Variants in PATJ observed in about 807,000 individuals in gnomAD.
PATJ encodes inaD-like protein.
Under a neutral mutation model 224.9 loss-of-function variants are expected in PATJ, and 190 were observed. The observed-to-expected ratio is 0.84, with a 90% CI of 0.75 to 0.95. PATJ has a LOEUF of 0.95. Among genes scored for constraint, PATJ ranks in the 40% least tolerant of loss-of-function variants. The probability of loss-of-function intolerance (pLI) is 0.00; values close to 1 mark genes in which losing one functional copy is unlikely to be tolerated. For missense variants in PATJ, 2,121 were observed against 2,270.3 expected (o/e 0.93, Z 1.34); for synonymous variants, 769 against 820.3 (o/e 0.94, Z 1.07).
chr1:62,028,964 A>AATACATACATACATACATAC (rs66669120), intron 29 of PATJ, among the ~76,000 whole-genome samples: 7,341 of 147,562 alleles, frequency 0.05, 235 homozygotes, highest in African/African-American at 0.082. Flanking sequence ...CCTGTCTCAA[A>AATACATACATACATACATAC]ATACATACAT....
At chr1:62,010,444 C>G (rs1039099883) in intron 28 of PATJ, among the ~76,000 whole-genome samples, 1 of 150,890 alleles carries the variant, frequency 6.6e-6, no homozygotes, top group African/African-American at 2.4e-5. Context: ...CCCCTCCCCA[C>G]CCCGCCCCAG....
intron 20 of PATJ, among the ~76,000 whole-genome samples, chr1:61,873,604 A>G (rs1666953328): frequency 6.6e-6 from 1 of 152,264 alleles, no homozygotes; most frequent in Admixed American, 6.5e-5. Flanking sequence ...TCTCACAGTT[A>G]TGAAGGCTGG....
At chr1:62,054,363 CA>C (rs555679094) in intron 31 of PATJ, 31,627 of 322,120 alleles carry the variant, frequency 0.098, no homozygotes, top group South Asian at 0.15. Context: ...ACCCTGTGTC[CA>C]AAAAAAAAAA....
chr1:61,765,678 A>G (rs1366198651), intron 3 of PATJ, among the ~76,000 whole-genome samples: 2 of 151,780 alleles, frequency 1.3e-5, no homozygotes, highest in African/African-American at 4.8e-5. Flanking sequence ...TAATTACATG[A>G]TTCTCCTCTT....
At chr1:62,054,987 G>A (rs1024479855) in intron 31 of PATJ, among the ~76,000 whole-genome samples, 3 of 151,886 alleles carry the variant, frequency 2.0e-5, no homozygotes, top group East Asian at 3.9e-4. Context: ...TCTGGGAGGC[G>A]GAGGTTGCAG....
At position 61,901,478 on chromosome 1, in the gene PATJ, C is replaced by T. The variant is rs939069707; in HGVS notation, c.3381+19C>T. 6.6e-7 allele frequency: 1 copy of T among 1,522,736 alleles called. No homozygotes were observed. Among genetic ancestry groups the T allele is most frequent in the Non-Finnish European group, 8.9e-7 (1 of 1,126,978 alleles). 94.3% of individuals were successfully genotyped at this position (1,522,736 alleles called of 1,614,324 possible). On this transcript the variant is annotated intron_variant, in intron 24 of 43. Transcript: ENST00000642238. The stretch of plus-strand genomic sequence containing the variant: ...ACTTGAGGTAAATGATGTTAAAGTA[C>T]TGTTTTTATTGGAAACATACGGTAA...
chr1:61,797,665 A>C (rs1331280777), intron 11 of PATJ, among the ~76,000 whole-genome samples: 4 of 152,216 alleles, frequency 2.6e-5, no homozygotes, highest in Non-Finnish European at 5.9e-5. Flanking sequence ...AGCATCTCTA[A>C]ATGGAGTTGA....
At chr1:61,757,630 C>T (rs1198123653) in intron 1 of PATJ, among the ~76,000 whole-genome samples, 1 of 152,180 alleles carries the variant, frequency 6.6e-6, no homozygotes, top group Non-Finnish European at 1.5e-5. Context: ...AAGCAACCCA[C>T]CTGCCTTGGT....
chr1:61,850,658 A>G (rs1179828817), intron 17 of PATJ, among the ~76,000 whole-genome samples: 1 of 152,240 alleles, frequency 6.6e-6, no homozygotes, highest in Admixed American at 6.5e-5. Flanking sequence ...GAGAAGCAGC[A>G]TTGCTTAGTG....
intron 17 of PATJ, among the ~76,000 whole-genome samples, chr1:61,843,333 T>C (rs775949455): frequency 1.3e-5 from 2 of 152,230 alleles, no homozygotes; most frequent in African/African-American, 4.8e-5. Context: ...ATTCTGGATA[T>C]ACTCTTGGGA....
intron 20 of PATJ, among the ~76,000 whole-genome samples, chr1:61,874,532 A>G (rs1404409766): frequency 6.6e-6 from 1 of 152,194 alleles, no homozygotes; most frequent in Non-Finnish European, 1.5e-5. Context: ...TACTAATCCC[A>G]TTCACCAGGG....
chr1:62,037,924 C>T (rs1650741933), intron 29 of PATJ, 53 bp from the exon 30 acceptor site: 2 of 1,128,754 alleles, frequency 1.8e-6, no homozygotes, highest in Non-Finnish European at 2.5e-6. Flanking sequence ...TAATTTGAGC[C>T]AGGAACTTAG....
intron 1 of PATJ, among the ~76,000 whole-genome samples, chr1:61,743,555 A>G (rs1644869981): frequency 6.6e-6 from 1 of 152,202 alleles, no homozygotes; most frequent in Admixed American, 6.5e-5. Context: ...CAGAAGGACA[A>G]TGTCGGTTCC....
At chr1:61,812,369 A>AGAGAGAGAGAATGTGAGTGACT (rs1404871001) in intron 14 of PATJ, among the ~76,000 whole-genome samples, 1 of 3,898 alleles carries the variant, frequency 2.6e-4, no homozygotes, top group East Asian at 1.6e-3. Flanking sequence ...AGAGAGAGAG[A>AGAGAGAGAGAATGTGAGTGACT]GAGAGAGAGA....
At chr1:61,748,246 CTTTTTTTTTT>C (rs35918825) in intron 1 of PATJ, among the ~76,000 whole-genome samples, 4 of 65,108 alleles carry the variant, frequency 6.1e-5, no homozygotes, top group South Asian at 7.8e-4. Context: ...GCCTTAATGC[CTTTTTTTTTT>C]TTTTTTTTTT....
rs200475132 is a variant in PATJ at position 62,087,893 on chromosome 1, A to ATT, written c.4377+3259_4377+3260dup. On this transcript the variant is annotated intron_variant, in intron 33 of 43. Coordinates refer to ENST00000642238, the MANE Select transcript of PATJ (RefSeq NM_001350145.3). ...ATCGTATTTTTAATAATTCTTTGTA[A>ATT]TTTTTTTTTTTTTTTGAGACGGAGT... is the stretch of plus-strand genomic sequence containing the variant. 6.2e-3 allele frequency among the ~76,000 whole-genome samples: 883 copies of ATT among 141,878 alleles called. 13 individuals carry two copies. The highest frequency in any genetic ancestry group is 0.022 in the African/African-American group (835 of 38,286). 93.1% of individuals were successfully genotyped at this position (141,878 alleles called of 152,430 possible).
Position 61,769,267 on chromosome 1 carries a change from A to T in PATJ, c.385-16A>T. 6.3e-7 allele frequency: 1 copy of T among 1,584,792 alleles called. No homozygotes were observed. On this transcript the variant is annotated splice_polypyrimidine_tract_variant and intron_variant, in intron 4 of 43. Transcript: ENST00000642238. ...ATGTACACCATTGACTTTTTTTTTTAACGCTCCTTCATTAGGGCCGGCAAA... is the reference window on the plus strand; with the variant it reads ...ATGTACACCATTGACTTTTTTTTTTTACGCTCCTTCATTAGGGCCGGCAAA...
intron 17 of PATJ, among the ~76,000 whole-genome samples, chr1:61,838,193 G>T (rs575689601): frequency 2.6e-5 from 4 of 152,058 alleles, no homozygotes; most frequent in Admixed American, 2.0e-4. Flanking sequence ...TCTCAAATAC[G>T]CCTAGCCACT....
chr1:61,994,904 G>T (rs1036098724), intron 28 of PATJ, among the ~76,000 whole-genome samples: 1 of 152,110 alleles, frequency 6.6e-6, no homozygotes, highest in African/African-American at 2.4e-5. Context: ...TTGGGCTTTA[G>T]GTCAGAGATG....
Sources: gnomAD v4.1 joint callset for allele counts (sites outside exome capture counted in the v4.1 genomes callset) on GRCh38, gnomAD v4.1.1 for gene constraint, MANE v1.5 for transcripts, NCBI Gene and HGNC (gene_info 2026-07-23, HGNC 2026-07-21) for gene names.